LRRC72: variants seen among roughly 807,000 people sequenced by gnomAD.
LRRC72 encodes the protein leucine-rich repeat-containing protein 72.
In LRRC72, 41 loss-of-function variants were observed where a neutral mutation model predicts 35.8. The ratio of observed to expected loss-of-function variants is 1.15; its 90% CI spans 0.89 to 1.49. The LOEUF (loss-of-function observed/expected upper bound fraction) is 1.49, where lower values mean the gene tolerates loss of function less well. Among genes scored for constraint, LRRC72 ranks in the 40% most tolerant of loss-of-function variants. The pLI, the probability that LRRC72 is intolerant of heterozygous loss-of-function variation, is 0.00. For missense variants in LRRC72, 389 were observed against 330.7 expected, an observed-to-expected ratio of 1.18 and a Z score of -1.37; for synonymous variants, 118 against 119.2, an observed-to-expected ratio of 0.99 and a Z score of 0.07.
At chr7:16,544,772 G>A (rs975603242) in intron 3 of LRRC72, among the ~76,000 whole-genome samples, 1 of 152,120 alleles carries the variant, frequency 6.6e-6, no homozygotes, top group Non-Finnish European at 1.5e-5. Context: ...CTGGAAGTAC[G>A]ACAGTAGCTT....
At chr7:16,532,069 C>T (rs1057110574) in intron 1 of LRRC72, among the ~76,000 whole-genome samples, 2 of 152,164 alleles carry the variant, frequency 1.3e-5, no homozygotes, top group African/African-American at 4.8e-5. Context: ...TAATAACATA[C>T]ATTTTATCCT....
chr7:16,546,154 T>C lies in LRRC72; in HGVS notation c.234+8458T>C, dbSNP rs180828698. Among the ~76,000 whole-genome samples, 382 of 152,324 alleles carry C rather than the reference T, an allele frequency of 2.5e-3. 2 individuals carry two copies. Among genetic ancestry groups the C allele is most frequent in the African/African-American group, 8.8e-3 (364 of 41,568 alleles). The stretch of plus-strand genomic sequence containing the variant: ...TATTATTAAAATGCTTCCCAACTAA[T>C]GTTTCATGTTCTATGTAAATTTAGT... On this transcript the variant is annotated intron_variant, in intron 3 of 8. Coordinates refer to ENST00000401542, the MANE Select transcript of LRRC72 (RefSeq NM_001195280.2).
At chr7:16,573,760 A>G (rs989353517) in intron 7 of LRRC72, among the ~76,000 whole-genome samples, 1 of 152,258 alleles carries the variant, frequency 6.6e-6, no homozygotes, top group African/African-American at 2.4e-5. Context: ...CTTCATGACT[A>G]AAACACCAAA....
At chr7:16,578,337 G>A (rs1783079484) in intron 7 of LRRC72, among the ~76,000 whole-genome samples, 1 of 152,082 alleles carries the variant, frequency 6.6e-6, no homozygotes, top group Admixed American at 6.6e-5. Context: ...GCCAGGCGTG[G>A]TAGCAGGCGC....
intron 1 of LRRC72, among the ~76,000 whole-genome samples, chr7:16,528,375 G>A (rs1384531574): frequency 6.6e-6 from 1 of 151,968 alleles, no homozygotes; most frequent in Non-Finnish European, 1.5e-5. Context: ...GCAGCTTTCT[G>A]GTGGGCGCCT....
chr7:16,550,661 T>C (rs890130662), intron 3 of LRRC72, among the ~76,000 whole-genome samples: 2 of 152,238 alleles, frequency 1.3e-5, no homozygotes, highest in African/African-American at 4.8e-5. Flanking sequence ...CTAAGTCACT[T>C]GCTGGTATTG....
At chr7:16,564,079 A>G (rs1782786728) in intron 5 of LRRC72, among the ~76,000 whole-genome samples, 1 of 152,234 alleles carries the variant, frequency 6.6e-6, no homozygotes, top group African/African-American at 2.4e-5. Flanking sequence ...TCAGAGGGGA[A>G]AGAGAAGACG....
At chr7:16,542,497 TG>T (rs1782374676) in intron 3 of LRRC72, among the ~76,000 whole-genome samples, 1 of 152,142 alleles carries the variant, frequency 6.6e-6, no homozygotes, top group Non-Finnish European at 1.5e-5. Flanking sequence ...GGGCCCAAGG[TG>T]GTCCAGGCAC....
chr7:16,551,749 C>A (rs1478389777), intron 3 of LRRC72, among the ~76,000 whole-genome samples: 1 of 151,692 alleles, frequency 6.6e-6, no homozygotes, highest in Non-Finnish European at 1.5e-5. Context: ...CATCTGTATC[C>A]TTTGTAATAT....
chr7:16,554,570 A>G (rs1191963654), intron 3 of LRRC72, among the ~76,000 whole-genome samples: 3 of 152,108 alleles, frequency 2.0e-5, no homozygotes, highest in Non-Finnish European at 1.5e-5. Flanking sequence ...ATCTTCTGCC[A>G]TTGTATTTAA....
At chr7:16,572,527 G>A (rs552935065) in intron 7 of LRRC72, among the ~76,000 whole-genome samples, 8 of 152,206 alleles carry the variant, frequency 5.3e-5, no homozygotes, top group South Asian at 2.1e-4. Flanking sequence ...GTAATCCATC[G>A]CATAAACAGA....
At chr7:16,533,654 A>ATATT (rs1241892140) in intron 2 of LRRC72, among the ~76,000 whole-genome samples, 4 of 152,076 alleles carry the variant, frequency 2.6e-5, no homozygotes, top group Non-Finnish European at 5.9e-5. Flanking sequence ...ATTATTAAAC[A>ATATT]TATTTATTTT....
At chr7:16,527,422 A>G (rs555371840) in intron 1 of LRRC72, among the ~76,000 whole-genome samples, 1 of 152,012 alleles carries the variant, frequency 6.6e-6, no homozygotes, top group South Asian at 2.1e-4. Flanking sequence ...AACGGAGATT[A>G]AGTAAATTTC....
At position 16,570,050 on chromosome 7, in the gene LRRC72, A is replaced by T. The variant is rs182309893; in HGVS notation, c.670+2507A>T. Among the ~76,000 whole-genome samples the T allele has an allele frequency of 6.0e-4, 91 of 152,214 alleles. 2 individuals carry two copies. The East Asian group carries it at 0.016, about 26-fold the overall frequency. ...TTCTCAAAAAAGAAAAGAAAAAAAAAAAAGAATTCACATAAGCCTCTTGGA... is the reference window on the plus strand; with the variant it reads ...TTCTCAAAAAAGAAAAGAAAAAAAATAAAGAATTCACATAAGCCTCTTGGA... On this transcript the variant is annotated intron_variant, in intron 7 of 8. Transcript: ENST00000401542.
intron 3 of LRRC72, among the ~76,000 whole-genome samples, chr7:16,545,242 A>G (rs1385316449): frequency 6.6e-6 from 1 of 152,232 alleles, no homozygotes; most frequent in Non-Finnish European, 1.5e-5. Context: ...TACTGTTATG[A>G]TTTCCTAGCT....
rs1782431533 is a variant in LRRC72, at chr7:16,545,607, A to C, written c.234+7911A>C. Among the ~76,000 whole-genome samples the C allele has an allele frequency of 5.9e-5, 9 of 152,330 alleles. No individual in the cohort carries two copies. In the South Asian group the frequency reaches 1.9e-3, roughly 32 times the overall value. On this transcript the variant is annotated intron_variant, in intron 3 of 8. Coordinates refer to ENST00000401542, the MANE Select transcript of LRRC72 (RefSeq NM_001195280.2). ...GTAGAATGTAAGAGCTATTAAAAAA[A>C]CAAAATGAATTAGCATACATTCCAT...
At chr7:16,562,723 C>G (rs1782764596) in intron 5 of LRRC72, among the ~76,000 whole-genome samples, 1 of 152,198 alleles carries the variant, frequency 6.6e-6, no homozygotes, top group African/African-American at 2.4e-5. Context: ...CTCCAGGGTC[C>G]CTTCCTTTGA....
chr7:16,556,177 T>C (rs1245354624), intron 3 of LRRC72, among the ~76,000 whole-genome samples: 3 of 152,242 alleles, frequency 2.0e-5, no homozygotes, highest in Non-Finnish European at 4.4e-5. Context: ...ATGGTTCATT[T>C]GAGGAAATTC....
At position 16,527,002 on chromosome 7, in the gene LRRC72, T is replaced by G. The variant is rs775403272; in HGVS notation, c.50T>G (p.Leu17Arg). 16 of 1,539,706 alleles carry G rather than the reference T, an allele frequency of 1.0e-5. No homozygotes were observed. The highest frequency in any genetic ancestry group is 2.0e-5 in the Admixed American group (1 of 50,980). The change falls in exon 1 of 9, where the codon CTA (leucine) becomes CGA (arginine). Residue 17 changes from leucine to arginine, a missense_variant. Coordinates refer to ENST00000401542, the MANE Select transcript of LRRC72 (RefSeq NM_001195280.2). Reference protein sequence around the residue: ...PVPRTLRCWRLRRASETALQS... With the variant: ...PVPRTLRCWRRRRASETALQS... ...CCCCGTACCTTGCGATGCTGGCGCC[T>G]ACGGAGGGCATCCGAAACTGCCCTA...
Sources: gnomAD v4.1 joint callset for allele counts (sites outside exome capture counted in the v4.1 genomes callset) on GRCh38, gnomAD v4.1.1 for gene constraint, MANE v1.5 for transcripts, NCBI Gene and HGNC (gene_info 2026-07-23, HGNC 2026-07-21) for gene names.